The following TRPM8 variants were observed in gnomAD, a reference collection of about 807,000 sequenced individuals.
TRPM8 encodes the protein transient receptor potential cation channel subfamily M member 8.
Under a neutral mutation model 133.7 loss-of-function variants are expected in TRPM8, and 110 were observed. That is an observed-to-expected ratio of 0.82 (90% CI 0.70 to 0.96). TRPM8 has a LOEUF of 0.96. Ranked by LOEUF, TRPM8 falls within the 40% of genes least tolerant of loss-of-function variation. The probability of loss-of-function intolerance (pLI) is 0.00; values close to 1 mark genes in which losing one functional copy is unlikely to be tolerated. For missense variants in TRPM8, 1,291 were observed against 1,379.5 expected (o/e 0.94, Z 1.02); for synonymous variants, 535 against 532.3 (o/e 1.01, Z -0.07).
At position 233,926,521 on chromosome 2, in the gene TRPM8, C is replaced by T. The variant is rs200972305; in HGVS notation, c.-5-12C>T. 1 of 1,604,800 alleles carries T rather than the reference C, an allele frequency of 6.2e-7. No homozygotes were observed. The highest frequency in any genetic ancestry group is 2.2e-5 in the East Asian group (1 of 44,844). ...TGTAACCCAAACTTATCCCCTCCAA[C>T]CATCGTCACAGAAAAGATGTCCTTT... On this transcript the variant is annotated splice_polypyrimidine_tract_variant and intron_variant, in intron 1 of 25. Transcript: ENST00000324695.
intron 15 of TRPM8, among the ~76,000 whole-genome samples, chr2:233,968,564 G>A (rs971357414): frequency 6.6e-6 from 1 of 152,160 alleles, no homozygotes; most frequent in South Asian, 2.1e-4. Context: ...AGTAGCCCTA[G>A]GCAGGGGCCC....
chr2:234,000,418 A>T (rs1380835255), intron 22 of TRPM8, among the ~76,000 whole-genome samples: 2 of 152,026 alleles, frequency 1.3e-5, no homozygotes, highest in Non-Finnish European at 2.9e-5. Flanking sequence ...CCCTGTGTGG[A>T]TGTTTTAAAA....
At chr2:233,982,243 C>T (rs1045181605) in intron 19 of TRPM8, among the ~76,000 whole-genome samples, 1 of 152,026 alleles carries the variant, frequency 6.6e-6, no homozygotes, top group Non-Finnish European at 1.5e-5. Flanking sequence ...AATTTGATAC[C>T]TGGGGACAGT....
chr2:233,960,691 T>G (rs1691410497), intron 11 of TRPM8, 85 bp from the exon 12 acceptor site: 6 of 1,012,512 alleles, frequency 5.9e-6, no homozygotes, highest in Non-Finnish European at 9.0e-6. Context: ...GGAAATACAG[T>G]GCTACTGAGG....
At chr2:233,962,294 C>A (rs1185194600) in intron 12 of TRPM8, among the ~76,000 whole-genome samples, 4 of 152,174 alleles carry the variant, frequency 2.6e-5, no homozygotes, top group Admixed American at 2.6e-4. Flanking sequence ...CAGTAGCGTA[C>A]AAATACCCCC....
At chr2:233,998,294 A>G (rs533178881) in intron 22 of TRPM8, among the ~76,000 whole-genome samples, 25 of 152,326 alleles carry the variant, frequency 1.6e-4, no homozygotes, top group Middle Eastern at 3.4e-3. Flanking sequence ...GTGTTCTCAT[A>G]TATATTAATG....
At chr2:233,940,395 T>C (rs936457165) in intron 5 of TRPM8, among the ~76,000 whole-genome samples, 2 of 152,172 alleles carry the variant, frequency 1.3e-5, no homozygotes, top group African/African-American at 4.8e-5. Context: ...GTTGTCACTT[T>C]GTTACAAAAT....
intron 12 of TRPM8, among the ~76,000 whole-genome samples, chr2:233,962,140 A>G (rs1209558320): frequency 6.6e-6 from 1 of 152,210 alleles, no homozygotes; most frequent in Admixed American, 6.5e-5. Flanking sequence ...TTTCAAAGGG[A>G]TAAATCTGGA....
In TRPM8 at chr2:234,012,419, T is replaced by A. The variant is rs1176659386; in HGVS notation, c.3265-2143T>A. 3.3e-5 allele frequency among the ~76,000 whole-genome samples: 5 copies of A among 152,096 alleles called. No homozygotes were observed. The East Asian group carries it at 9.6e-4, about 29-fold the overall frequency. On this transcript the variant is annotated intron_variant, in intron 24 of 25. Transcript: ENST00000324695. ...CCTTGGACTCCCAAAGTGCTAGGAT[T>A]ACAGGCATGAGCCACCACGCCCAGC...
intron 21 of TRPM8, among the ~76,000 whole-genome samples, chr2:233,991,101 G>A (rs977564554): frequency 2.6e-5 from 4 of 152,066 alleles, no homozygotes; most frequent in Admixed American, 2.0e-4. Context: ...GTAGAAGCAG[G>A]GGAGATAATG....
At chr2:234,012,401 C>T (rs1196422183) in intron 24 of TRPM8, among the ~76,000 whole-genome samples, 1 of 151,904 alleles carries the variant, frequency 6.6e-6, no homozygotes, top group East Asian at 1.9e-4. Flanking sequence ...CTGCCTTGGA[C>T]TCCCAAAGTG....
rs1489388946 is a variant in TRPM8 at position 233,966,755 on chromosome 2, G to C, written c.2025G>C (p.Gln675His). The change falls in exon 15 of 26, where the codon CAG (glutamine) becomes CAC (histidine). Residue 675 changes from glutamine to histidine, a missense_variant and splice_region_variant. Physicochemically the swap from Gln to His is conservative, Grantham distance 24. This residue lies in a region of TRPM8 where 963 missense variants were observed against 968.9 expected (regional missense o/e 0.99). Transcript: ENST00000324695. ...ATTTCATCGCCCAGCCTGGGGTCCA[G>C]GTAAACCATACTCAGCCACCAGACC... is the stretch of plus-strand genomic sequence containing the variant. ...DQHFIAQPGVQNFLSKQWYGE... is the reference protein window; with the variant it reads ...DQHFIAQPGVHNFLSKQWYGE... The C allele has an allele frequency of 1.3e-6, 2 of 1,562,730 alleles. No individual in the cohort carries two copies. Among genetic ancestry groups the C allele is most frequent in the Non-Finnish European group, 8.7e-7 (1 of 1,150,196 alleles).
At position 233,969,797 on chromosome 2, in the gene TRPM8, G is replaced by T; in HGVS notation, c.2128G>T (p.Val710Leu). The change falls in exon 16 of 26, where the codon GTA becomes TTA. Residue 710 changes from valine (V) to leucine (L), a missense_variant. This residue lies in a region of TRPM8 where 963 missense variants were observed against 968.9 expected (regional missense o/e 0.99). Transcript: ENST00000324695. ...TATACCCTTGGTGGGCTGTGGCTTT[G>T]TATCATTTAGGTACAAACCAAGGCA... ...FIIPLVGCGF[V>L]SFRKKPVDKH... The T allele has an allele frequency of 1.2e-6, 2 of 1,607,218 alleles. No homozygotes were observed. The highest frequency in any genetic ancestry group is 1.7e-6 in the Non-Finnish European group (2 of 1,173,720).
rs534847522 is a variant in TRPM8 at position 233,991,552 on chromosome 2, G to A, written c.2940-4774G>A. Among the ~76,000 whole-genome samples the A allele has an allele frequency of 4.5e-4, 68 of 152,302 alleles. 1 individual carries two copies. The highest frequency in any genetic ancestry group is 3.7e-3 in the South Asian group (18 of 4,822). ...ACAAAGGAAAATCCATGAAATCTACGCAAAGTTTGGAGGAGGTGTCCATCT... is the reference window on the plus strand; with the variant it reads ...ACAAAGGAAAATCCATGAAATCTACACAAAGTTTGGAGGAGGTGTCCATCT... On this transcript the variant is annotated intron_variant, in intron 21 of 25. Coordinates refer to ENST00000324695, the MANE Select transcript of TRPM8 (RefSeq NM_024080.5).
intron 1 of TRPM8, among the ~76,000 whole-genome samples, chr2:233,925,038 G>A (rs1022749796): frequency 6.6e-6 from 1 of 152,200 alleles, no homozygotes; most frequent in Non-Finnish European, 1.5e-5. Flanking sequence ...GCCTGGGAGG[G>A]GCGATCTGGA....
At chr2:233,948,250 C>G (rs536014835) in intron 8 of TRPM8, among the ~76,000 whole-genome samples, 1 of 152,024 alleles carries the variant, frequency 6.6e-6, no homozygotes, top group Non-Finnish European at 1.5e-5. Context: ...ATTGAGTACC[C>G]GCTATGAAAT....
At chr2:233,946,289 C>T (rs1406542345) in intron 7 of TRPM8, 2 of 372,810 alleles carry the variant, frequency 5.4e-6, no homozygotes. Flanking sequence ...TTGTTAGTAT[C>T]AAAAGCTGGC....
chr2:233,954,371 A>G (rs564653575), intron 10 of TRPM8, among the ~76,000 whole-genome samples: 25 of 152,226 alleles, frequency 1.6e-4, no homozygotes, highest in South Asian at 6.2e-4. Flanking sequence ...AGCATTCTAC[A>G]TATTTGTACA....
At chr2:234,012,474 A>T (rs113939428) in intron 24 of TRPM8, among the ~76,000 whole-genome samples, 25 of 105,938 alleles carry the variant, frequency 2.4e-4, no homozygotes, top group African/African-American at 6.8e-4. Context: ...TGTGTGTGTG[A>T]GAGTGTGTGT....
Sources: gnomAD v4.1 joint callset for allele counts (sites outside exome capture counted in the v4.1 genomes callset) on GRCh38, gnomAD v4.1.1 for gene constraint, gnomAD v4.1.1 regional missense constraint, MANE v1.5 for transcripts, NCBI Gene and HGNC (gene_info 2026-07-23, HGNC 2026-07-21) for gene names.